SHTN1: variants seen among roughly 807,000 people sequenced by gnomAD.
SHTN1 encodes the protein shootin-1.
In SHTN1, 42 loss-of-function variants were observed where a neutral mutation model predicts 83.1. The ratio of observed to expected loss-of-function variants is 0.51; its 90% CI spans 0.39 to 0.65. SHTN1 has a LOEUF of 0.65. Among genes scored for constraint, SHTN1 ranks in the 30% least tolerant of loss-of-function variants. The probability of loss-of-function intolerance (pLI) is 0.00; values close to 1 mark genes in which losing one functional copy is unlikely to be tolerated. For synonymous variants in SHTN1, 224 were observed against 247.7 expected (o/e 0.90, Z 0.90); for missense variants, 622 against 737.8 (o/e 0.84, Z 1.82).
chr10:116,886,201 T>C lies in SHTN1; in HGVS notation c.*143A>G, dbSNP rs1404802250. 22 of 1,178,296 alleles carry C rather than the reference T, an allele frequency of 1.9e-5. No individual in the cohort carries two copies. Among genetic ancestry groups the C allele is most frequent in the Non-Finnish European group, 5.9e-6 (5 of 853,796 alleles). 73.0% of individuals were successfully genotyped at this position (1,178,296 alleles called of 1,614,324 possible). On this transcript the variant is annotated 3_prime_UTR_variant, in exon 17 of 17. Transcript: ENST00000355371. ...GCTTACTTATGTTTATAGTTGCTAC[T>C]TACAAAAGTGACACCAGAAAAGAAC...
intron 16 of SHTN1, chr10:116,901,205 C>A (rs1334831200): frequency 5.6e-5 from 55 of 985,236 alleles, no homozygotes; most frequent in Non-Finnish European, 6.6e-5. Context: ...TCCACTAGAT[C>A]TGTCTGAAAC....
In SHTN1 at chr10:116,974,452, G is replaced by A. The variant is rs796385672; in HGVS notation, c.111+4804C>T. On this transcript the variant is annotated intron_variant, in intron 2 of 16. Coordinates refer to ENST00000355371, the MANE Select transcript of SHTN1 (RefSeq NM_001127211.3). ...ACCTTCATCTCTGAATATTACACAAGAGGAAGAAATTTTAACAATAGACAA... is the reference window on the plus strand; with the variant it reads ...ACCTTCATCTCTGAATATTACACAAAAGGAAGAAATTTTAACAATAGACAA... Among the ~76,000 whole-genome samples, 4 of 152,168 alleles carry A rather than the reference G, an allele frequency of 2.6e-5. No individual in the cohort carries two copies. In the South Asian group the frequency reaches 8.3e-4, roughly 32 times the overall value.
rs143647554 is a variant in SHTN1, at chr10:117,109,093, C to T, written c.-189+17214G>A. On this transcript the variant is annotated intron_variant, in intron 1 of 17. Coordinates refer to the SHTN1 transcript ENST00000392901. ...CTAAAGTTTAAGAACCACTGCTCTA[C>T]GTTATAGCAACTTGTTAGCCTTGAT... Among the ~76,000 whole-genome samples the T allele has an allele frequency of 5.0e-3, 764 of 152,316 alleles. 31 individuals carry two copies. Among genetic ancestry groups the T allele is most frequent in the Admixed American group, 0.046 (700 of 15,304 alleles).
At chr10:116,901,452 A>C in intron 16 of SHTN1, 1 of 985,264 alleles carries the variant, frequency 1.0e-6, no homozygotes, top group Non-Finnish European at 1.2e-6. Flanking sequence ...CGATGTATTT[A>C]ATCTTGAAAG....
chr10:116,954,730 T>C (rs1849912972), intron 4 of SHTN1, among the ~76,000 whole-genome samples: 1 of 152,146 alleles, frequency 6.6e-6, no homozygotes, highest in Admixed American at 6.5e-5. Context: ...ATGACCCAAG[T>C]GTGACCAGTC....
intron 1 of SHTN1, among the ~76,000 whole-genome samples, chr10:116,982,011 T>C (rs959800546): frequency 2.6e-5 from 4 of 152,122 alleles, no homozygotes; most frequent in African/African-American, 4.8e-5. Context: ...TGAGCCAAGA[T>C]TGCACCACTG....
At chr10:116,962,034 T>C (rs1462782520) in intron 3 of SHTN1, among the ~76,000 whole-genome samples, 3 of 150,798 alleles carry the variant, frequency 2.0e-5, no homozygotes, top group Non-Finnish European at 4.4e-5. Context: ...TGATTGTGTG[T>C]TGAAGCTCCC....
At chr10:117,085,710 A>G (rs1853340415) in intron 1 of SHTN1, among the ~76,000 whole-genome samples, 1 of 152,198 alleles carries the variant, frequency 6.6e-6, no homozygotes, top group South Asian at 2.1e-4. Context: ...TACTGATAGA[A>G]GTGTGTTGAA....
At chr10:116,899,651 G>A (rs908906345) in intron 16 of SHTN1, among the ~76,000 whole-genome samples, 16 of 152,092 alleles carry the variant, frequency 1.1e-4, no homozygotes, top group African/African-American at 3.6e-4. Flanking sequence ...AGCCAATAGC[G>A]CCACTCACGT....
intron 3 of SHTN1, among the ~76,000 whole-genome samples, chr10:116,968,215 T>C (rs988520152): frequency 1.3e-5 from 2 of 152,042 alleles, no homozygotes; most frequent in African/African-American, 4.8e-5. Context: ...AAAAAACTGA[T>C]GTACATCTGT....
At chr10:116,977,538 G>T (rs1482922714) in intron 2 of SHTN1, among the ~76,000 whole-genome samples, 1 of 152,054 alleles carries the variant, frequency 6.6e-6, no homozygotes, top group Non-Finnish European at 1.5e-5. Flanking sequence ...GGGGCATCAG[G>T]GGCCCAGGAT....
rs755462199 is a variant in SHTN1 at position 116,927,879 on chromosome 10, T to A, written c.1025A>T (p.Gln342Leu). The A allele has an allele frequency of 3.1e-6, 5 of 1,612,612 alleles. No homozygotes were observed. The highest frequency in any genetic ancestry group is 4.2e-6 in the Non-Finnish European group (5 of 1,179,310). Residue 342 changes from glutamine (Q) to leucine (L), a missense_variant, in exon 11 of 17, where the codon CAG becomes CTG. This residue lies in a region of SHTN1 where 383 missense variants were observed against 455.8 expected (regional missense o/e 0.84). Coordinates refer to ENST00000355371, the MANE Select transcript of SHTN1 (RefSeq NM_001127211.3). ...RNLKHSVDELQKRVNQSENSV... is the reference protein window; with the variant it reads ...RNLKHSVDELLKRVNQSENSV... The stretch of plus-strand genomic sequence containing the variant: ...ATTCTCAGACTGGTTCACTCGTTTC[T>A]GGAGTTCATCAACTGCACAGAGAGC...
chr10:117,026,420 CTTCTTTT>C (rs1324223205), intron 2 of SHTN1, among the ~76,000 whole-genome samples: 1 of 63,308 alleles, frequency 1.6e-5, no homozygotes, highest in Non-Finnish European at 3.1e-5. Flanking sequence ...TCCAGATAGA[CTTCTTTT>C]TTTTTTTTTT....
At chr10:116,921,399 C>T in intron 12 of SHTN1, 35 bp downstream of exon 12, 1 of 1,495,278 alleles carries the variant, frequency 6.7e-7, no homozygotes, top group Non-Finnish European at 9.3e-7. Flanking sequence ...AATGGTACAC[C>T]ATCAACCACT....
At chr10:117,069,502 G>A (rs921879142) in intron 1 of SHTN1, among the ~76,000 whole-genome samples, 8 of 152,090 alleles carry the variant, frequency 5.3e-5, no homozygotes, top group African/African-American at 1.9e-4. Flanking sequence ...GAAAGAAAGG[G>A]CGGCCTCCCT....
At chr10:117,076,664 A>C (rs1332069331) in intron 1 of SHTN1, among the ~76,000 whole-genome samples, 1 of 152,250 alleles carries the variant, frequency 6.6e-6, no homozygotes, top group Non-Finnish European at 1.5e-5. Flanking sequence ...TCAAATATCG[A>C]AAGTTATTTT....
At chr10:117,025,993 G>A (rs1159719691) in intron 2 of SHTN1, among the ~76,000 whole-genome samples, 1 of 152,160 alleles carries the variant, frequency 6.6e-6, no homozygotes, top group Non-Finnish European at 1.5e-5. Context: ...ATTCCCAGGT[G>A]TGGTGGCTAA....
At chr10:116,939,026 C>T (rs932800234) in intron 9 of SHTN1, among the ~76,000 whole-genome samples, 6 of 152,310 alleles carry the variant, frequency 3.9e-5, no homozygotes, top group East Asian at 3.9e-4. Flanking sequence ...CCACCAAGCT[C>T]GAGTGTCCCA....
intron 1 of SHTN1, among the ~76,000 whole-genome samples, chr10:117,054,445 G>A (rs10749236): frequency 0.66 from 96,492 of 145,496 alleles, 35,226 homozygotes; most frequent in Middle Eastern, 0.84. Flanking sequence ...TCACTCTATC[G>A]CCCAGGCTGG....
Sources: allele counts gnomAD v4.1 joint callset (sites outside exome capture counted in the v4.1 genomes callset), GRCh38; gene constraint gnomAD v4.1.1; regional missense constraint gnomAD v4.1.1; transcripts MANE v1.5; gene names NCBI Gene and HGNC (gene_info 2026-07-23, HGNC 2026-07-21).